ANKRD6: variants seen among roughly 807,000 people sequenced by gnomAD.
The protein encoded by ANKRD6 is ankyrin repeat domain-containing protein 6.
A neutral mutation model predicts 82.3 loss-of-function variants in ANKRD6; 56 were observed. The observed-to-expected ratio is 0.68, with a 90% confidence interval of 0.55 to 0.85. The LOEUF is 0.85. Among genes scored for constraint, ANKRD6 ranks in the 40% least tolerant of loss-of-function variants. The pLI is 0.00. For missense variants in ANKRD6, 852 were observed against 907.6 expected, an observed-to-expected ratio of 0.94 and a Z score of 0.79; for synonymous variants, 347 against 352.1, an observed-to-expected ratio of 0.99 and a Z score of 0.16.
intron 1 of ANKRD6, chr6:89,478,419 T>C (rs1776340449): frequency 6.6e-6 from 1 of 152,106 alleles, no homozygotes; most frequent in African/African-American, 2.4e-5. Flanking sequence ...GGCAACATAG[T>C]GAGACCCTGT....
chr6:89,571,403 T>C (rs370444755), intron 2 of ANKRD6, among the ~76,000 whole-genome samples: 1 of 152,210 alleles, frequency 6.6e-6, no homozygotes, highest in Non-Finnish European at 1.5e-5. Context: ...TTATTAGTGA[T>C]ATTAAATGTC....
chr6:89,487,446 T>C (rs765832431), intron 1 of ANKRD6, among the ~76,000 whole-genome samples: 7 of 152,220 alleles, frequency 4.6e-5, no homozygotes, highest in Non-Finnish European at 8.8e-5. Flanking sequence ...AAGCTTTGGA[T>C]ACATATTGCT....
At position 89,623,519 on chromosome 6, in the gene ANKRD6, A is replaced by C; in HGVS notation, c.1007A>C (p.Asp336Ala). ...SASPEPRAKD[D>A]RRRKSRPKVS... ...TCCCCAGAACCCAGAGCAAAGGATG[A>C]CAGGAGGAGAAAGTCAAGGCCCAAG... is the stretch of plus-strand genomic sequence containing the variant. Residue 336 changes from aspartate to alanine, a missense_variant, in exon 11 of 16, where the codon GAC becomes GCC. Physicochemically the swap from Asp to Ala is moderately radical, Grantham distance 126. Coordinates refer to ENST00000339746, the MANE Select transcript of ANKRD6 (RefSeq NM_001242809.2). 6.3e-7 allele frequency: 1 copy of C among 1,588,348 alleles called. No individual in the cohort carries two copies. The highest frequency in any genetic ancestry group is 8.6e-7 in the Non-Finnish European group (1 of 1,167,186).
chr6:89,610,028 G>A (rs1291367809), intron 5 of ANKRD6, among the ~76,000 whole-genome samples: 1 of 152,164 alleles, frequency 6.6e-6, no homozygotes, highest in African/African-American at 2.4e-5. Flanking sequence ...TTCTTATTCA[G>A]CAGATGTAGC....
At chr6:89,540,318 T>C (rs540903750) in intron 1 of ANKRD6, among the ~76,000 whole-genome samples, 1 of 152,218 alleles carries the variant, frequency 6.6e-6, no homozygotes, top group Non-Finnish European at 1.5e-5. Context: ...TTTTGGATAT[T>C]AAGCCATTTT....
intron 1 of ANKRD6, among the ~76,000 whole-genome samples, chr6:89,554,074 T>C (rs1786230903): frequency 6.6e-6 from 1 of 152,124 alleles, no homozygotes; most frequent in African/African-American, 2.4e-5. Context: ...CTGAGACAAG[T>C]AATTGGTGAA....
intron 2 of ANKRD6, among the ~76,000 whole-genome samples, chr6:89,586,339 C>G (rs1793678185): frequency 6.6e-6 from 1 of 152,170 alleles, no homozygotes; most frequent in African/African-American, 2.4e-5. Context: ...TATATCCAAC[C>G]ATAGTTCATC....
chr6:89,539,534 T>G (rs1485592009), intron 1 of ANKRD6, among the ~76,000 whole-genome samples: 2 of 152,140 alleles, frequency 1.3e-5, no homozygotes, highest in East Asian at 3.9e-4. Flanking sequence ...AATTTTCTTT[T>G]CATTTTTGTG....
intron 1 of ANKRD6, among the ~76,000 whole-genome samples, chr6:89,449,025 G>A (rs1415823537): frequency 5.1e-5 from 6 of 118,342 alleles, no homozygotes; most frequent in Non-Finnish European, 3.2e-5. Context: ...GCGAGACTCC[G>A]TCTCAAAAAA....
intron 1 of ANKRD6, among the ~76,000 whole-genome samples, chr6:89,541,496 G>T (rs183617964): frequency 1.4e-5 from 2 of 142,310 alleles, no homozygotes. Flanking sequence ...GAGTTCAAGC[G>T]ATTCTCCTGC....
At position 89,450,039 on chromosome 6, in the gene ANKRD6, A is replaced by G. The variant is rs189642588; in HGVS notation, c.-144+16664A>G. 2.6e-3 allele frequency among the ~76,000 whole-genome samples: 394 copies of G among 152,298 alleles called. 2 individuals carry two copies. The highest frequency in any genetic ancestry group is 3.7e-3 in the Non-Finnish European group (249 of 68,030). On this transcript the variant is annotated intron_variant, in intron 1 of 15. Transcript: ENST00000339746. ...CTGTTACATGCGACAGAGAAATCTC[A>G]TTAAAGAAAGAATCAGGCTGGGCAC... is the stretch of plus-strand genomic sequence containing the variant.
In ANKRD6 at chr6:89,631,312, T is replaced by C. The variant is rs957460577; in HGVS notation, c.*308T>C. 4.1e-6 allele frequency: 1 copy of C among 242,428 alleles called. No individual in the cohort carries two copies. 15.0% of individuals were successfully genotyped at this position (242,428 alleles called of 1,614,324 possible). ...CAAGCCATGCCAAGAAACTGGACGA[T>C]GTGTAAGCCTAGACTCTAAAATTCA... On this transcript the variant is annotated 3_prime_UTR_variant, in exon 16 of 16. Transcript: ENST00000339746.
chr6:89,472,324 C>A (rs1775580075), intron 1 of ANKRD6, among the ~76,000 whole-genome samples: 1 of 152,198 alleles, frequency 6.6e-6, no homozygotes, highest in South Asian at 2.1e-4. Flanking sequence ...GCACCCAATT[C>A]AATCCATAAC....
At chr6:89,476,929 A>G (rs1776104718) in intron 1 of ANKRD6, among the ~76,000 whole-genome samples, 1 of 152,186 alleles carries the variant, frequency 6.6e-6, no homozygotes, top group Non-Finnish European at 1.5e-5. Context: ...CTTTTTTAAA[A>G]AATATGAAAG....
chr6:89,477,104 C>G (rs186707614), intron 1 of ANKRD6, among the ~76,000 whole-genome samples: 3 of 152,206 alleles, frequency 2.0e-5, no homozygotes, highest in Non-Finnish European at 2.9e-5. Flanking sequence ...CCTACCACGC[C>G]CGGCTAATTT....
intron 1 of ANKRD6, among the ~76,000 whole-genome samples, chr6:89,515,845 C>G (rs1472349850): frequency 6.6e-6 from 1 of 152,170 alleles, no homozygotes; most frequent in Non-Finnish European, 1.5e-5. Flanking sequence ...AGTGCAATCA[C>G]ATATATCCTT....
In ANKRD6 at chr6:89,481,780, C is replaced by T. The variant is rs941938821; in HGVS notation, c.-144+48405C>T. Among the ~76,000 whole-genome samples the T allele has an allele frequency of 2.0e-5, 3 of 151,992 alleles. No homozygotes were observed. The East Asian group carries it at 5.8e-4, about 29-fold the overall frequency. ...GGTGGTACTGCTGCTGGTGGTGGTACTATTGGCAGTGCTGATACTGTACCA... is the reference window on the plus strand; with the variant it reads ...GGTGGTACTGCTGCTGGTGGTGGTATTATTGGCAGTGCTGATACTGTACCA... On this transcript the variant is annotated intron_variant, in intron 1 of 15. Transcript: ENST00000339746.
intron 1 of ANKRD6, among the ~76,000 whole-genome samples, chr6:89,477,743 C>T (rs1457281696): frequency 6.7e-6 from 1 of 148,224 alleles, no homozygotes; most frequent in Non-Finnish European, 1.5e-5. Flanking sequence ...TGCACTCCAC[C>T]CTGGGCGACA....
chr6:89,493,178 A>T (rs1778204452), intron 1 of ANKRD6, among the ~76,000 whole-genome samples: 1 of 152,206 alleles, frequency 6.6e-6, no homozygotes, highest in South Asian at 2.1e-4. Flanking sequence ...ACAGAAATAT[A>T]TTCTCCCAGA....
Sources: gnomAD v4.1 joint callset for allele counts (sites outside exome capture counted in the v4.1 genomes callset) on GRCh38, gnomAD v4.1.1 for gene constraint, MANE v1.5 for transcripts, NCBI Gene and HGNC (gene_info 2026-07-23, HGNC 2026-07-21) for gene names.